ALK: variants seen among roughly 807,000 people sequenced by gnomAD.
ALK encodes the protein ALK tyrosine kinase receptor.
A neutral mutation model predicts 163.1 loss-of-function variants in ALK; 74 were observed. That is an observed-to-expected ratio of 0.45 (90% confidence interval 0.38 to 0.55). ALK has a LOEUF of 0.55. ALK is among the 20% of genes least tolerant of loss of function. ALK has a pLI of 0.00. For missense variants in ALK, 2,063 were observed against 2,105.3 expected (o/e 0.98, Z 0.39); for synonymous variants, 960 against 843.2 (o/e 1.14, Z -2.40).
At chr2:29,518,504 A>T (rs1035108417) in intron 4 of ALK, among the ~76,000 whole-genome samples, 2 of 152,246 alleles carry the variant, frequency 1.3e-5, no homozygotes, top group Non-Finnish European at 2.9e-5. Context: ...GAAATGCTAC[A>T]GCAGCTTTCA....
chr2:29,691,211 A>G (rs1183126195), intron 3 of ALK, among the ~76,000 whole-genome samples: 1 of 152,216 alleles, frequency 6.6e-6, no homozygotes, highest in Non-Finnish European at 1.5e-5. Flanking sequence ...TCTCAGTGCC[A>G]TTACTGAAGC....
chr2:29,729,561 C>G (rs899167369), intron 1 of ALK, among the ~76,000 whole-genome samples: 4 of 152,176 alleles, frequency 2.6e-5, no homozygotes, highest in African/African-American at 9.7e-5. Flanking sequence ...TGCCACCATA[C>G]AGACGAGCAC....
At chr2:29,268,769 CTT>C (rs1665303778) in intron 11 of ALK, among the ~76,000 whole-genome samples, 2 of 152,148 alleles carry the variant, frequency 1.3e-5, no homozygotes, top group Non-Finnish European at 2.9e-5. Flanking sequence ...GTTGGAAAGA[CTT>C]TGGATTGAGC....
At chr2:29,421,047 C>T (rs1480496903) in intron 4 of ALK, among the ~76,000 whole-genome samples, 1 of 151,542 alleles carries the variant, frequency 6.6e-6, no homozygotes, top group Non-Finnish European at 1.5e-5. Flanking sequence ...ATTCCACGTT[C>T]ATCCCAGGGC....
chr2:29,469,264 G>T (rs576871915), intron 4 of ALK, among the ~76,000 whole-genome samples: 1 of 152,124 alleles, frequency 6.6e-6, no homozygotes, highest in Non-Finnish European at 1.5e-5. Context: ...TCAATGTAAG[G>T]AATTAGCCAA....
intron 1 of ALK, among the ~76,000 whole-genome samples, chr2:29,765,486 T>C (rs1417699375): frequency 6.6e-6 from 1 of 152,154 alleles, no homozygotes; most frequent in Non-Finnish European, 1.5e-5. Context: ...TATTTATTTT[T>C]TATTTTGCAG....
intron 2 of ALK, among the ~76,000 whole-genome samples, chr2:29,714,421 A>C (rs1193717678): frequency 6.6e-6 from 1 of 152,204 alleles, no homozygotes; most frequent in Non-Finnish European, 1.5e-5. Flanking sequence ...AGATAATTAC[A>C]GACTGGGGGT....
intron 4 of ALK, among the ~76,000 whole-genome samples, chr2:29,417,522 T>G (rs1321839904): frequency 6.6e-6 from 1 of 152,142 alleles, no homozygotes; most frequent in Non-Finnish European, 1.5e-5. Context: ...GACCCAGAGA[T>G]CCTCTGTTCT....
Position 29,692,334 on chromosome 2 carries a change from T to A in ALK, c.952+2516A>T, listed in dbSNP as rs141422196. On this transcript the variant is annotated intron_variant, in intron 3 of 28. Coordinates refer to ENST00000389048, the MANE Select transcript of ALK (RefSeq NM_004304.5). ...TGGCATTACCCAATGAAATGGAAGA[T>A]GTTCTGACCCTCTCACCCAGCAATT... Among the ~76,000 whole-genome samples, 1,225 of 152,314 alleles carry A rather than the reference T, an allele frequency of 8.0e-3. 15 individuals are homozygous for A. Among genetic ancestry groups the A allele is most frequent in the South Asian group, 0.045 (215 of 4,826 alleles).
At chr2:29,638,053 G>T (rs1309240611) in intron 3 of ALK, among the ~76,000 whole-genome samples, 1 of 151,966 alleles carries the variant, frequency 6.6e-6, no homozygotes, top group East Asian at 1.9e-4. Flanking sequence ...CTTTTTAGAG[G>T]GCTGTGGAAT....
At chr2:29,234,993 G>A (rs1401955196) in intron 13 of ALK, among the ~76,000 whole-genome samples, 4 of 152,334 alleles carry the variant, frequency 2.6e-5, no homozygotes, top group Non-Finnish European at 4.4e-5. Context: ...GATTACAGGC[G>A]TGAGCCACCG....
chr2:29,197,740 C>T (rs891378618), intron 26 of ALK, 64 bp from the exon 27 acceptor site: 4 of 1,297,014 alleles, frequency 3.1e-6, no homozygotes, highest in African/African-American at 2.9e-5. Context: ...CACACACACA[C>T]ACAGGCACAC....
intron 1 of ALK, among the ~76,000 whole-genome samples, chr2:29,773,253 C>CACA (rs764775219): frequency 3.9e-4 from 60 of 152,168 alleles, no homozygotes; most frequent in Non-Finnish European, 7.6e-4. Context: ...CACACACACA[C>CACA]ATTTTTTTCT....
chr2:29,851,089 C>A (rs567275122), intron 1 of ALK, among the ~76,000 whole-genome samples: 3 of 152,204 alleles, frequency 2.0e-5, no homozygotes, highest in Admixed American at 1.3e-4. Flanking sequence ...TATTCAAAGA[C>A]TTCCCCAATA....
At chr2:29,739,226 A>G (rs1679979356) in intron 1 of ALK, among the ~76,000 whole-genome samples, 1 of 129,058 alleles carries the variant, frequency 7.7e-6, no homozygotes, top group Non-Finnish European at 1.6e-5. Flanking sequence ...GCAACAGGGC[A>G]AGACAGTCTC....
intron 23 of ALK, among the ~76,000 whole-genome samples, chr2:29,219,994 T>A (rs1040562067): frequency 6.6e-6 from 1 of 152,166 alleles, no homozygotes; most frequent in Non-Finnish European, 1.5e-5. Flanking sequence ...CCCAGGTCAG[T>A]TGCTTGAGTA....
chr2:29,761,641 G>T (rs1309868464), intron 1 of ALK, among the ~76,000 whole-genome samples: 1 of 152,218 alleles, frequency 6.6e-6, no homozygotes, highest in Non-Finnish European at 1.5e-5. Context: ...TGTCTGCTGG[G>T]AACTCACTGG....
Position 29,219,349 on chromosome 2 carries a change from ATT to A in ALK, c.3645+1355_3645+1356del, listed in dbSNP as rs1408717015. Among the ~76,000 whole-genome samples, 3 of 152,160 alleles carry A rather than the reference ATT, an allele frequency of 2.0e-5. No homozygotes were observed. In the East Asian group the frequency reaches 5.8e-4, roughly 29 times the overall value. Reference sequence around the variant, plus strand: ...GTCACCCAGTGGCTAAGGTGAAGGTATTTTACATGGATCCTGACTGAAGGTGG... The same window carrying A: ...GTCACCCAGTGGCTAAGGTGAAGGTATTACATGGATCCTGACTGAAGGTGG... On this transcript the variant is annotated intron_variant, in intron 23 of 28. Transcript: ENST00000389048.
At chr2:29,684,636 T>C (rs1036967794) in intron 3 of ALK, among the ~76,000 whole-genome samples, 9 of 152,202 alleles carry the variant, frequency 5.9e-5, no homozygotes, top group African/African-American at 1.4e-4. Flanking sequence ...GACACCCCAA[T>C]TGATGTAATT....
Sources: gnomAD v4.1 joint callset for allele counts (sites outside exome capture counted in the v4.1 genomes callset) on GRCh38, gnomAD v4.1.1 for gene constraint, MANE v1.5 for transcripts, NCBI Gene and HGNC (gene_info 2026-07-23, HGNC 2026-07-21) for gene names.